Variants in PDIA5 observed in about 807,000 individuals in gnomAD.
The protein encoded by PDIA5 is protein disulfide-isomerase A5.
Under a neutral mutation model 77.6 loss-of-function variants are expected in PDIA5, and 58 were observed. The observed-to-expected ratio is 0.75, with a 90% CI of 0.61 to 0.93. The LOEUF is 0.93. Ranked by LOEUF, PDIA5 falls within the 40% of genes least tolerant of loss-of-function variation. PDIA5 has a pLI of 0.00. For missense variants in PDIA5, 630 were observed against 647.7 expected, an observed-to-expected ratio of 0.97 and a Z score of 0.30; for synonymous variants, 250 against 252.1, an observed-to-expected ratio of 0.99 and a Z score of 0.08.
At chr3:123,070,101 AAAAG>A in intron 1 of PDIA5, among the ~76,000 whole-genome samples, 1 of 152,078 alleles carries the variant, frequency 6.6e-6, no homozygotes, top group South Asian at 2.1e-4. Flanking sequence ...AAAAAAAAAA[AAAAG>A]AAGAAGAAGA....
chr3:123,075,208 C>T (rs57215152), intron 1 of PDIA5, among the ~76,000 whole-genome samples: 20,296 of 152,104 alleles, frequency 0.13, 1,597 homozygotes, highest in Non-Finnish European at 0.18. Context: ...CATTTTAGAA[C>T]TGTACTTGAC....
chr3:123,160,370 T>G (rs1397700277), intron 15 of PDIA5, among the ~76,000 whole-genome samples: 2 of 152,244 alleles, frequency 1.3e-5, no homozygotes, highest in African/African-American at 4.8e-5. Flanking sequence ...ATGTGGAATT[T>G]GCTAGATGGT....
chr3:123,141,021 G>A (rs836867), intron 11 of PDIA5, among the ~76,000 whole-genome samples: 97,123 of 152,110 alleles, frequency 0.64, 32,227 homozygotes, highest in African/African-American at 0.82. Flanking sequence ...TTGCCACCCT[G>A]GCAGGGCAGT....
chr3:123,122,108 G>A (rs1935134470), intron 8 of PDIA5, among the ~76,000 whole-genome samples: 1 of 152,184 alleles, frequency 6.6e-6, no homozygotes. Flanking sequence ...AAGAAAGAAA[G>A]ATTCAAAAAT....
intron 7 of PDIA5, among the ~76,000 whole-genome samples, chr3:123,111,802 G>T (rs748666804): frequency 1.1e-4 from 16 of 152,122 alleles, no homozygotes; most frequent in African/African-American, 3.9e-4. Context: ...CAAAAGTTTC[G>T]CAAAACCACT....
At chr3:123,116,423 G>GT (rs1175055659) in intron 8 of PDIA5, 125 bp downstream of exon 8, 20 of 721,262 alleles carry the variant, frequency 2.8e-5, no homozygotes, top group Admixed American at 4.4e-5. Flanking sequence ...TGCCTGGGCC[G>GT]TTGCTGAATC....
chr3:123,069,861 G>A (rs62263186), intron 1 of PDIA5, among the ~76,000 whole-genome samples: 2,273 of 152,136 alleles, frequency 0.015, 26 homozygotes, highest in Non-Finnish European at 0.023. Context: ...AGGCTGAGGC[G>A]GGTGGATCAC....
At chr3:123,160,353 A>G (rs1431325934) in intron 15 of PDIA5, among the ~76,000 whole-genome samples, 1 of 152,160 alleles carries the variant, frequency 6.6e-6, no homozygotes, top group Non-Finnish European at 1.5e-5. Flanking sequence ...AGGAAAAGCT[A>G]CCCAGCATGT....
intron 15 of PDIA5, among the ~76,000 whole-genome samples, chr3:123,156,673 G>T (rs901288329): frequency 2.6e-5 from 4 of 152,192 alleles, no homozygotes; most frequent in African/African-American, 9.7e-5. Context: ...TGGACACTCA[G>T]GTCTCCATAG....
intron 5 of PDIA5, among the ~76,000 whole-genome samples, chr3:123,103,077 G>A (rs896362780): frequency 3.9e-5 from 6 of 152,108 alleles, no homozygotes; most frequent in African/African-American, 1.4e-4. Flanking sequence ...CAAAGGCCTG[G>A]GCCTCATTTC....
intron 1 of PDIA5, among the ~76,000 whole-genome samples, chr3:123,078,709 T>C (rs1025807375): frequency 6.6e-6 from 1 of 152,224 alleles, no homozygotes; most frequent in Non-Finnish European, 1.5e-5. Flanking sequence ...CAAACCAGAA[T>C]CACACACTGC....
intron 8 of PDIA5, among the ~76,000 whole-genome samples, chr3:123,119,066 C>T (rs532087764): frequency 6.6e-6 from 1 of 152,150 alleles, no homozygotes; most frequent in East Asian, 1.9e-4. Flanking sequence ...GCCTGGGCAA[C>T]ATAGTGAAAC....
At chr3:123,145,292 G>A (rs773703202) in intron 11 of PDIA5, 13 of 538,148 alleles carry the variant, frequency 2.4e-5, no homozygotes, top group Non-Finnish European at 4.3e-5. Context: ...CACACCAGTT[G>A]CCCGTATTAT....
chr3:123,074,169 A>T (rs772398961), intron 1 of PDIA5, among the ~76,000 whole-genome samples: 1 of 152,208 alleles, frequency 6.6e-6, no homozygotes, highest in Non-Finnish European at 1.5e-5. Flanking sequence ...TCCCAAATGG[A>T]TATTTCCTTG....
In PDIA5 at chr3:123,155,020, T is replaced by G. The variant is rs760039751; in HGVS notation, c.1323T>G (p.Asp441Glu). 6.2e-7 allele frequency: 1 copy of G among 1,612,132 alleles called. No homozygotes were observed. Among genetic ancestry groups the G allele is most frequent in the African/African-American group, 1.3e-5 (1 of 75,018 alleles). ...KVIPHFTATA[D>E]AFKDDRKIAC... ...TTCCGCACTTTACTGCTACTGCTGA[T>G]GCCTTCAAAGATGACCGAAAGGTAA... Residue 441 changes from aspartate (D) to glutamate (E), a missense_variant, in exon 15 of 17, where the codon GAT (aspartate) becomes GAG (glutamate). By Grantham distance (45) the Asp-to-Glu change is conservative. Coordinates refer to ENST00000316218, the MANE Select transcript of PDIA5 (RefSeq NM_006810.4).
intron 8 of PDIA5, among the ~76,000 whole-genome samples, chr3:123,122,367 G>T (rs914746456): frequency 6.6e-5 from 10 of 152,172 alleles, no homozygotes; most frequent in Non-Finnish European, 1.5e-4. Context: ...CTTTTATAGA[G>T]CGTTCCAGGG....
intron 10 of PDIA5, among the ~76,000 whole-genome samples, 185 bp downstream of exon 10, chr3:123,124,528 G>A (rs530568065): frequency 6.6e-6 from 1 of 152,308 alleles, no homozygotes; most frequent in Non-Finnish European, 1.5e-5. Context: ...AATTTAGGTT[G>A]CAGGAGCCAT....
At chr3:123,133,371 CA>C (rs1935416006) in intron 11 of PDIA5, among the ~76,000 whole-genome samples, 1 of 152,190 alleles carries the variant, frequency 6.6e-6, no homozygotes, top group African/African-American at 2.4e-5. Flanking sequence ...GGAGACAGAC[CA>C]TTTTAGAGAC....
chr3:123,141,937 C>T (rs955350068), intron 11 of PDIA5, among the ~76,000 whole-genome samples: 1 of 152,156 alleles, frequency 6.6e-6, no homozygotes, highest in Non-Finnish European at 1.5e-5. Flanking sequence ...GCTTGGAGTC[C>T]GGTGGTCTCC....
Sources: allele counts gnomAD v4.1 joint callset (sites outside exome capture counted in the v4.1 genomes callset), GRCh38; gene constraint gnomAD v4.1.1; transcripts MANE v1.5; gene names NCBI Gene and HGNC (gene_info 2026-07-23, HGNC 2026-07-21).